The following SLC14A2 variants were observed in gnomAD, a reference collection of about 807,000 sequenced individuals.
SLC14A2 encodes the protein solute carrier family 14 member 2.
SLC14A2 carries 91 observed loss-of-function variants against 104.6 expected under a neutral mutation model. That is an observed-to-expected ratio of 0.87 (90% CI 0.73 to 1.04). The LOEUF (loss-of-function observed/expected upper bound fraction) is 1.04. Ranked by LOEUF, SLC14A2 falls within the 50% of genes least tolerant of loss-of-function variation. The pLI, the probability that SLC14A2 is intolerant of heterozygous loss-of-function variation, is 0.00. For synonymous variants in SLC14A2, 476 were observed against 466.4 expected, an observed-to-expected ratio of 1.02 and a Z score of -0.27; for missense variants, 1,189 against 1,156.0, an observed-to-expected ratio of 1.03 and a Z score of -0.41.
intron 1 of SLC14A2, among the ~76,000 whole-genome samples, chr18:45,356,286 A>T (rs544948065): frequency 6.6e-6 from 1 of 152,198 alleles, no homozygotes; most frequent in African/African-American, 2.4e-5. Context: ...TGTGGGACAA[A>T]ATGAGATCAT....
At chr18:45,519,435 AGTCT>A (rs1205839513) in intron 2 of SLC14A2, among the ~76,000 whole-genome samples, 6 of 152,180 alleles carry the variant, frequency 3.9e-5, no homozygotes, top group Non-Finnish European at 1.5e-5. Flanking sequence ...CCATTCACAG[AGTCT>A]CCAGTGTTGG....
intron 1 of SLC14A2, among the ~76,000 whole-genome samples, chr18:45,367,623 C>T (rs1232448612): frequency 3.3e-5 from 5 of 152,146 alleles, no homozygotes; most frequent in Non-Finnish European, 7.3e-5. Flanking sequence ...CTGGCTCATA[C>T]CAAGCCAGTT....
intron 1 of SLC14A2, among the ~76,000 whole-genome samples, chr18:45,307,850 G>A (rs990137453): frequency 6.6e-6 from 1 of 152,178 alleles, no homozygotes; most frequent in Non-Finnish European, 1.5e-5. Flanking sequence ...ACCTGCAGCT[G>A]AGTAATTTAT....
chr18:45,667,094 G>C lies in SLC14A2; in HGVS notation c.1717G>C (p.Asp573His), dbSNP rs2046038817. Residue 573 changes from aspartate to histidine, a missense_variant and splice_region_variant, in exon 13 of 20, where the codon GAC (aspartate) becomes CAC (histidine). Physicochemically the swap from Asp to His is moderately conservative, Grantham distance 81. Coordinates refer to ENST00000255226, the MANE Select transcript of SLC14A2 (RefSeq NM_007163.4). ...GAAGGAGTGTGGAGAGGGACTTAAA[G>C]GTAAAATTCTATGAGAACAACACTG... Reference protein sequence around the residue: ...EMKECGEGLKDKSPVFQFFDW... With the variant: ...EMKECGEGLKHKSPVFQFFDW... The C allele has an allele frequency of 6.2e-7, 1 of 1,612,046 alleles. No individual in the cohort carries two copies. The highest frequency in any genetic ancestry group is 8.5e-7 in the Non-Finnish European group (1 of 1,178,984).
rs143730991 is a variant in SLC14A2 at position 45,325,158 on chromosome 18, C to T, written c.-125+111967C>T. Among the ~76,000 whole-genome samples the T allele has an allele frequency of 1.4e-4, 22 of 152,270 alleles. No homozygotes were observed. The East Asian group carries it at 4.2e-3, about 29-fold the overall frequency. ...TTAGGTGACAGTGCTCTCATTAGCT[C>T]AATGGAAATGAAGGTTTCCAGGCAA... is the stretch of plus-strand genomic sequence containing the variant. On this transcript the variant is annotated intron_variant, in intron 1 of 20. Transcript: ENST00000586448.
At chr18:45,624,194 A>G (rs1159550726) in intron 1 of SLC14A2, among the ~76,000 whole-genome samples, 1 of 152,188 alleles carries the variant, frequency 6.6e-6, no homozygotes, top group Admixed American at 6.5e-5. Flanking sequence ...AGTTGTAAGC[A>G]ATGTAGCCTC....
intron 2 of SLC14A2, among the ~76,000 whole-genome samples, chr18:45,595,037 T>G (rs949225521): frequency 1.6e-4 from 24 of 152,130 alleles, no homozygotes; most frequent in Non-Finnish European, 4.4e-5. Context: ...AGACATTCAC[T>G]CTGCCATGAA....
In SLC14A2 at chr18:45,668,133, T is replaced by C. The variant is rs141346571; in HGVS notation, c.1907+111T>C. On this transcript the variant is annotated intron_variant, in intron 14 of 19. Transcript: ENST00000255226. ...TCCTCAAAATAAGGACACTGACAAC[T>C]AAAAATGACTGTTCCCTGGTTATTT... The C allele has an allele frequency of 3.0e-4, 348 of 1,171,076 alleles. 2 individuals are homozygous for C. In the African/African-American group the frequency reaches 4.0e-3, roughly 13 times the overall value. The allele number at this position is 1,171,076 out of a possible 1,614,324, so 72.5% of individuals were successfully genotyped here. A position where few individuals can be genotyped will look rare whatever the true frequency, so the allele number is the denominator to read the frequency against.
chr18:45,356,033 GTTTTGTGACAGC>G lies in SLC14A2; in HGVS notation c.-124-127191_-124-127180del, dbSNP rs375348391. ...CAGGACTGCTGAGAACATTGCAGGG[GTTTTGTGACAGC>G]TTTTGTGATAGCTTTGATGGGGTGT... is the stretch of plus-strand genomic sequence containing the variant. On this transcript the variant is annotated intron_variant, in intron 1 of 20. Coordinates refer to the SLC14A2 transcript ENST00000586448. 7.2e-3 allele frequency among the ~76,000 whole-genome samples: 1,097 copies of G among 152,258 alleles called. 12 individuals are homozygous for G. The highest frequency in any genetic ancestry group is 0.024 in the African/African-American group (978 of 41,542).
chr18:45,253,411 A>G (rs1337935970), intron 1 of SLC14A2, among the ~76,000 whole-genome samples: 1 of 152,156 alleles, frequency 6.6e-6, no homozygotes, highest in Non-Finnish European at 1.5e-5. Context: ...ATTTGGGGAT[A>G]TGAGCAGATT....
intron 1 of SLC14A2, among the ~76,000 whole-genome samples, chr18:45,230,454 C>G (rs557390094): frequency 9.4e-4 from 143 of 152,328 alleles, no homozygotes; most frequent in African/African-American, 3.2e-3. Context: ...GACATTGCAT[C>G]TGTCTATTCT....
At chr18:45,622,880 C>T (rs1017466017) in intron 1 of SLC14A2, among the ~76,000 whole-genome samples, 15 of 152,210 alleles carry the variant, frequency 9.9e-5, no homozygotes, top group Non-Finnish European at 4.4e-5. Context: ...ACCTAGTGTT[C>T]ACCTGAGGAC....
Position 45,398,623 on chromosome 18 carries a change from G to A in SLC14A2, c.-124-84610G>A, listed in dbSNP as rs190644526. On this transcript the variant is annotated intron_variant, in intron 1 of 20. Coordinates refer to the SLC14A2 transcript ENST00000586448. Reference sequence around the variant, plus strand: ...ATAAAATAGTATTCAGCCACAATAAGGAATGAAACTCTGACACGCGCTGCA... The same window carrying A: ...ATAAAATAGTATTCAGCCACAATAAAGAATGAAACTCTGACACGCGCTGCA... 1.3e-3 allele frequency among the ~76,000 whole-genome samples: 191 copies of A among 152,192 alleles called. 2 individuals carry two copies. The highest frequency in any genetic ancestry group is 5.2e-4 in the Admixed American group (8 of 15,264).
intron 2 of SLC14A2, among the ~76,000 whole-genome samples, chr18:45,580,637 TA>T (rs1483483046): frequency 6.6e-6 from 1 of 152,178 alleles, no homozygotes; most frequent in Non-Finnish European, 1.5e-5. Context: ...GTTTTGCATG[TA>T]TTAAACTTTT....
intron 2 of SLC14A2, among the ~76,000 whole-genome samples, chr18:45,570,286 GTTCT>G (rs1177337852): frequency 1.3e-5 from 2 of 152,096 alleles, no homozygotes; most frequent in South Asian, 2.1e-4. Flanking sequence ...CATCTGATAC[GTTCT>G]TTAAGACCCA....
At chr18:45,471,927 T>C (rs978198263) in intron 1 of SLC14A2, among the ~76,000 whole-genome samples, 1 of 152,212 alleles carries the variant, frequency 6.6e-6, no homozygotes, top group Admixed American at 6.5e-5. Context: ...GTGCAGAATG[T>C]ACAGGTTTGT....
chr18:45,600,068 C>G (rs1270032039), intron 2 of SLC14A2, among the ~76,000 whole-genome samples: 2 of 151,988 alleles, frequency 1.3e-5, no homozygotes. Flanking sequence ...CCACAACAGC[C>G]CATGAGGTAG....
At chr18:45,561,078 A>G (rs1174016621) in intron 2 of SLC14A2, among the ~76,000 whole-genome samples, 4 of 152,136 alleles carry the variant, frequency 2.6e-5, no homozygotes, top group Non-Finnish European at 5.9e-5. Context: ...TAGAGATAAG[A>G]TTTCTGAGGA....
rs371910032 is a variant in SLC14A2, at chr18:45,571,563, CA to C, written c.-34-53066del. Reference sequence around the variant, plus strand: ...CATTATAAAATTCTAAGAAATCAGACAACGTCTTTAAAGTAATGGTCCTAGT... The same window carrying C: ...CATTATAAAATTCTAAGAAATCAGACACGTCTTTAAAGTAATGGTCCTAGT... On this transcript the variant is annotated intron_variant, in intron 2 of 20. Transcript: ENST00000586448. Among the ~76,000 whole-genome samples, 242 of 152,288 alleles carry C rather than the reference CA, an allele frequency of 1.6e-3. 1 individual carries two copies. Among genetic ancestry groups the C allele is most frequent in the African/African-American group, 5.5e-3 (230 of 41,572 alleles).
Sources: gnomAD v4.1 joint callset for allele counts (sites outside exome capture counted in the v4.1 genomes callset) on GRCh38, gnomAD v4.1.1 for gene constraint, MANE v1.5 for transcripts, NCBI Gene and HGNC (gene_info 2026-07-23, HGNC 2026-07-21) for gene names.